The following MORN1 variants were observed in gnomAD, a reference collection of about 807,000 sequenced individuals.
MORN1 encodes MORN repeat containing 1, also known as MORN repeat-containing protein 1.
MORN1 carries 67 observed loss-of-function variants against 61.9 expected under a neutral mutation model. That is an observed-to-expected ratio of 1.08 (90% CI 0.89 to 1.33). MORN1 has a LOEUF of 1.33. Ranked by LOEUF, MORN1 falls within the 40% of genes most tolerant of loss-of-function variation. MORN1 has a pLI of 0.00. For synonymous variants in MORN1, 301 were observed against 292.0 expected, an observed-to-expected ratio of 1.03 and a Z score of -0.31; for missense variants, 752 against 691.2, an observed-to-expected ratio of 1.09 and a Z score of -0.99.
intron 8 of MORN1, among the ~76,000 whole-genome samples, chr1:2,366,699 TTTTTAGTAGAGA>T (rs1642002250): frequency 6.6e-6 from 1 of 152,028 alleles, no homozygotes; most frequent in Non-Finnish European, 1.5e-5. Flanking sequence ...AATTTTTGTA[TTTTTAGTAGAGA>T]TTTTAGTAGA....
chr1:2,346,939 C>T (rs1163640057), intron 10 of MORN1, among the ~76,000 whole-genome samples: 2 of 152,216 alleles, frequency 1.3e-5, no homozygotes, highest in Non-Finnish European at 2.9e-5. Context: ...TGAAGGCCAC[C>T]GTCCCGCTGG....
chr1:2,322,577 G>C (rs1233275711), intron 13 of MORN1: 3 of 985,118 alleles, frequency 3.0e-6, no homozygotes, highest in Non-Finnish European at 3.6e-6. Context: ...ACACGGTTCT[G>C]GGGGGCCTCG....
At chr1:2,360,608 G>A (rs573612663) in intron 8 of MORN1, among the ~76,000 whole-genome samples, 4 of 151,812 alleles carry the variant, frequency 2.6e-5, no homozygotes, top group African/African-American at 9.6e-5. Context: ...GCAGAGCAGC[G>A]AAGAGGAGAG....
intron 6 of MORN1, among the ~76,000 whole-genome samples, chr1:2,382,801 G>A (rs936171170): frequency 1.3e-5 from 2 of 152,212 alleles, no homozygotes; most frequent in Non-Finnish European, 2.9e-5. Context: ...CAACGACGCT[G>A]ACATGGGCTC....
Position 2,390,162 on chromosome 1 carries a change from G to T in MORN1, c.77-166C>A, listed in dbSNP as rs139506480. Among the ~76,000 whole-genome samples, 240 of 152,274 alleles carry T rather than the reference G, an allele frequency of 1.6e-3. 1 individual carries two copies. The highest frequency in any genetic ancestry group is 5.6e-3 in the African/African-American group (232 of 41,560). ...TGTGGGGCTCATGAGCTCTCCTGTC[G>T]ACTGTTGGGCCATTCATTTGCTCAT... On this transcript the variant is annotated intron_variant, in intron 1 of 13. Transcript: ENST00000378531.
At chr1:2,348,651 GCA>G (rs199685943) in intron 10 of MORN1, among the ~76,000 whole-genome samples, 7 of 146,070 alleles carry the variant, frequency 4.8e-5, no homozygotes, top group Admixed American at 4.1e-4. Flanking sequence ...GCGCAGGCAC[GCA>G]CACACGCACG....
At chr1:2,338,124 C>G (rs1023599495) in intron 10 of MORN1, among the ~76,000 whole-genome samples, 3 of 152,184 alleles carry the variant, frequency 2.0e-5, no homozygotes, top group South Asian at 2.1e-4. Flanking sequence ...GACCTTGGGG[C>G]TGGAGGCATT....
intron 6 of MORN1, chr1:2,376,133 G>C (rs1178969227): frequency 6.5e-6 from 1 of 152,686 alleles, no homozygotes; most frequent in Non-Finnish European, 1.5e-5. Flanking sequence ...GGAGGCCGTG[G>C]GCACCCTTGC....
chr1:2,379,898 C>T (rs548104705), intron 6 of MORN1, among the ~76,000 whole-genome samples: 1 of 152,244 alleles, frequency 6.6e-6, no homozygotes, highest in African/African-American at 2.4e-5. Context: ...GGGGCTGTGG[C>T]CCACAGGGCC....
At position 2,357,436 on chromosome 1, in the gene MORN1, C is replaced by A; in HGVS notation, c.1032G>T (p.Leu344=). 6.2e-7 allele frequency: 1 copy of A among 1,600,522 alleles called. No individual in the cohort carries two copies. The highest frequency in any genetic ancestry group is 8.5e-7 in the Non-Finnish European group (1 of 1,173,486). Residue 344 remains leucine, a synonymous_variant, in exon 10 of 14, where the codon CTG becomes CTT. Coordinates refer to ENST00000378531, the MANE Select transcript of MORN1 (RefSeq NM_024848.3). This position sits in a 1 kb window ranked among gnomAD's most constrained non-coding sequence, Gnocchi z 6.3. ...TGGTTTGTGAGCTCCACTTACCAAG[C>A]AGGCCACCAGGGGTGTCCTCCTGGC... ...LHGQEDTPGG[L]LARGHAPHCP...
At chr1:2,335,844 A>AGCCCGGCCCGGCCCGGCCCG (rs1553208797) in intron 12 of MORN1, among the ~76,000 whole-genome samples, 1 of 147,014 alleles carries the variant, frequency 6.8e-6, no homozygotes, top group African/African-American at 2.7e-5. Context: ...AGCCCAGCCC[A>AGCCCGGCCCGGCCCGGCCCG]GCGCGCAGCT....
At chr1:2,344,226 A>G (rs997865034) in intron 10 of MORN1, among the ~76,000 whole-genome samples, 5 of 152,140 alleles carry the variant, frequency 3.3e-5, no homozygotes, top group African/African-American at 1.2e-4. Flanking sequence ...CGAGAGCGGC[A>G]TCACCTGAGG....
chr1:2,339,930 G>A (rs1212594092), intron 10 of MORN1, among the ~76,000 whole-genome samples: 2 of 152,244 alleles, frequency 1.3e-5, no homozygotes. Context: ...GGAATCCCTC[G>A]GCCGCTCCTG....
In MORN1 at chr1:2,321,513, G is replaced by T. The variant is rs773484663; in HGVS notation, c.1364C>A (p.Ala455Asp). The T allele has an allele frequency of 5.2e-6, 8 of 1,533,542 alleles. No homozygotes were observed. Among genetic ancestry groups the T allele is most frequent in the Non-Finnish European group, 7.0e-6 (8 of 1,139,280 alleles). The allele number at this position is 1,533,542 out of a possible 1,614,324, so 95.0% of individuals were successfully genotyped here. A position where few individuals can be genotyped will look rare whatever the true frequency, so the allele number is the denominator to read the frequency against. ...CGCTACGACCCGCAGGTGTTTGAAGGCCGGGGGCAGCCTGCGCCCCAGGAA... is the reference window on the plus strand; with the variant it reads ...CGCTACGACCCGCAGGTGTTTGAAGTCCGGGGGCAGCCTGCGCCCCAGGAA... ...PPFLGRRLPP[A>D]FKHLRVVAKR... Residue 455 changes from alanine to aspartate, a missense_variant, in exon 14 of 14, where the codon GCC becomes GAC. Coordinates refer to ENST00000378531, the MANE Select transcript of MORN1 (RefSeq NM_024848.3).
At chr1:2,323,187 G>T in intron 13 of MORN1, 1 of 985,388 alleles carries the variant, frequency 1.0e-6, no homozygotes. Context: ...TGGGACCACG[G>T]GGGACACCGC....
intron 6 of MORN1, among the ~76,000 whole-genome samples, chr1:2,384,582 G>C (rs527952804): frequency 6.6e-6 from 1 of 152,324 alleles, no homozygotes; most frequent in South Asian, 2.1e-4. Context: ...GCCCCAGATC[G>C]CCGAGGCGCA....
chr1:2,323,993 G>T, intron 13 of MORN1, 104 bp downstream of exon 13: 4 of 1,465,966 alleles, frequency 2.7e-6, no homozygotes, highest in Non-Finnish European at 1.8e-6. Context: ...ACCTCTGGGG[G>T]CCCCGGGCCG....
intron 10 of MORN1, among the ~76,000 whole-genome samples, chr1:2,338,586 A>G (rs1339848918): frequency 1.3e-5 from 2 of 152,188 alleles, no homozygotes; most frequent in African/African-American, 4.8e-5. Context: ...CCAAGTACAC[A>G]TGGTTCACAC....
At chr1:2,352,068 G>A in intron 10 of MORN1, 1 of 530,026 alleles carries the variant, frequency 1.9e-6, no homozygotes. Flanking sequence ...GCATACTGTT[G>A]ATCCATCTCA....
Sources: gnomAD v4.1 joint callset for allele counts (sites outside exome capture counted in the v4.1 genomes callset) on GRCh38, gnomAD v4.1.1 for gene constraint, Gnocchi (gnomAD v3.1) non-coding constraint, MANE v1.5 for transcripts, NCBI Gene and HGNC (gene_info 2026-07-23, HGNC 2026-07-21) for gene names.